EPG5: variants seen among roughly 807,000 people sequenced by gnomAD.
EPG5 encodes ectopic P granules protein 5 homolog.
EPG5 carries 159 observed loss-of-function variants against 302.7 expected under a neutral mutation model. The observed-to-expected ratio is 0.53, with a 90% CI of 0.46 to 0.60. EPG5 has a LOEUF of 0.60. EPG5 is among the 20% of genes least tolerant of loss of function. EPG5 has a pLI of 0.00. For synonymous variants in EPG5, 1,158 were observed against 1,136.8 expected (o/e 1.02, Z -0.37); for missense variants, 2,896 against 3,092.4 (o/e 0.94, Z 1.51).
At position 45,879,066 on chromosome 18, in the gene EPG5, A is replaced by G. The variant is rs1316329110; in HGVS notation, c.5816T>C (p.Ile1939Thr). Residue 1939 changes from isoleucine to threonine, a missense_variant, in exon 33 of 44, where the codon ATT becomes ACT. By Grantham distance (89) the Ile-to-Thr change is moderately conservative (BLOSUM62 -1). This residue lies in a region of EPG5 where 790 missense variants were observed against 798.0 expected (regional missense o/e 0.99). Coordinates refer to ENST00000282041, the MANE Select transcript of EPG5 (RefSeq NM_020964.3). ...GGCCAAACAGGTCATTTCTAAGTCA[A>G]TCAGCCTTTTCACAAGGTAGCCCAA... Reference protein sequence around the residue: ...TFLGYLVKRLIDLEMTCLAQD... With the variant: ...TFLGYLVKRLTDLEMTCLAQD... 2 of 1,614,086 alleles carry G rather than the reference A, an allele frequency of 1.2e-6. No individual in the cohort carries two copies. The highest frequency in any genetic ancestry group is 1.3e-5 in the African/African-American group (1 of 74,938).
At chr18:45,829,606 C>T in the EPG5 span, among the ~76,000 whole-genome samples, 2 of 152,114 alleles carry the variant, frequency 1.3e-5, no homozygotes, top group African/African-American at 2.4e-5. Flanking sequence ...TGTCACAATG[C>T]CGGAAGTGCC....
rs780659367 is a variant in EPG5 at position 45,873,887 on chromosome 18, G to A, written c.6049+2349C>T. On this transcript the variant is annotated intron_variant, in intron 35 of 43. Coordinates refer to ENST00000282041, the MANE Select transcript of EPG5 (RefSeq NM_020964.3). The stretch of plus-strand genomic sequence containing the variant: ...CTATCCAGCCATGAAAAGGCATAAA[G>A]AGACTTCAATGTCTATTACTAAGTG... Among the ~76,000 whole-genome samples the A allele has an allele frequency of 2.9e-4, 44 of 152,296 alleles. No individual in the cohort carries two copies. The South Asian group carries it at 3.3e-3, about 11-fold the overall frequency.
chr18:45,866,679 T>A, intron 38 of EPG5, 119 bp downstream of exon 38: 2 of 779,340 alleles, frequency 2.6e-6, no homozygotes, highest in Non-Finnish European at 4.4e-6. Context: ...TATATGATAA[T>A]ACACATCCTC....
chr18:45,858,192 G>C (rs2048557577), intron 41 of EPG5, 124 bp from the exon 42 acceptor site: 2 of 683,590 alleles, frequency 2.9e-6, no homozygotes, highest in Admixed American at 5.2e-5. Flanking sequence ...ACAGGCTAAC[G>C]GCTGATGTTA....
chr18:45,876,277 A>G lies in EPG5; in HGVS notation c.6008T>C (p.Leu2003Pro). ...DTVVASSIVQ[L>P]FTDCIDSLHE... ...CAGTGAGTCAATACAGTCAGTGAAC[A>G]GCTGCACAATGCTTGAGGCCACCAC... Residue 2003 changes from leucine (L) to proline (P), a missense_variant, in exon 35 of 44, where the codon CTG becomes CCG. Coordinates refer to ENST00000282041, the MANE Select transcript of EPG5 (RefSeq NM_020964.3). 1 of 1,614,126 alleles carries G rather than the reference A, an allele frequency of 6.2e-7. No individual in the cohort carries two copies. Among genetic ancestry groups the G allele is most frequent in the Non-Finnish European group, 8.5e-7 (1 of 1,179,962 alleles).
intron 28 of EPG5, among the ~76,000 whole-genome samples, chr18:45,888,897 A>G (rs2049275730): frequency 6.6e-6 from 1 of 152,236 alleles, no homozygotes; most frequent in Non-Finnish European, 1.5e-5. Context: ...TAATTTTTTT[A>G]AACACAAAAC....
chr18:45,924,282 G>C lies in EPG5; in HGVS notation c.2719-895C>G, dbSNP rs548500681. Reference sequence around the variant, plus strand: ...AGGAGACTCTCACGCAGCTCTTCAAGAGGAGAGCCTAGGTGATTCTGTTCA... The same window carrying C: ...AGGAGACTCTCACGCAGCTCTTCAACAGGAGAGCCTAGGTGATTCTGTTCA... On this transcript the variant is annotated intron_variant, in intron 14 of 43. Coordinates refer to ENST00000282041, the MANE Select transcript of EPG5 (RefSeq NM_020964.3). 1.1e-4 allele frequency among the ~76,000 whole-genome samples: 17 copies of C among 152,322 alleles called. 1 individual carries two copies. In the South Asian group the frequency reaches 3.1e-3, roughly 28 times the overall value.
At chr18:45,818,214 C>A in the EPG5 span, among the ~76,000 whole-genome samples, 2 of 152,064 alleles carry the variant, frequency 1.3e-5, no homozygotes, top group South Asian at 4.2e-4. Context: ...ATGTTGTTTA[C>A]AGTTGTCTAT....
intron 2 of EPG5, chr18:45,953,543 T>A: frequency 1.0e-6 from 1 of 985,334 alleles, no homozygotes; most frequent in African/African-American, 1.7e-5. Context: ...CTGCCAAACT[T>A]GTCAAGAGTA....
At chr18:45,887,666 G>C (rs1310617422) in intron 29 of EPG5, 85 bp downstream of exon 29, 9 of 1,190,608 alleles carry the variant, frequency 7.6e-6, no homozygotes, top group African/African-American at 3.1e-5. Flanking sequence ...ATATAAGTCT[G>C]AAGTCAATGC....
chr18:45,880,085 G>A lies in EPG5; in HGVS notation c.5657C>T (p.Ser1886Leu). ...VLPSSSDALL[S>L]DKQVMETIQW... Reference sequence around the variant, plus strand: ...CCAAAGGCTACACACCTGCTTGTCTGACAAGAGAGCATCAGAAGAGCTGGG... The same window carrying A: ...CCAAAGGCTACACACCTGCTTGTCTAACAAGAGAGCATCAGAAGAGCTGGG... The change falls in exon 32 of 44, where the codon TCA becomes TTA. Residue 1886 changes from serine to leucine, a missense_variant. Ser to Leu is a moderately radical substitution (Grantham distance 145). Around this residue, in one of 5 missense-constraint regions of EPG5, gnomAD observed 790 missense variants for 798.0 expected, o/e 0.99. Coordinates refer to ENST00000282041, the MANE Select transcript of EPG5 (RefSeq NM_020964.3). The A allele has an allele frequency of 4.4e-6, 7 of 1,595,560 alleles. No homozygotes were observed. The highest frequency in any genetic ancestry group is 6.0e-6 in the Non-Finnish European group (7 of 1,169,048).
chr18:45,907,616 G>A (rs1001639823), intron 24 of EPG5, among the ~76,000 whole-genome samples: 6 of 152,108 alleles, frequency 3.9e-5, no homozygotes, highest in Admixed American at 1.3e-4. Context: ...TACACTGCAT[G>A]TAAGAATGGG....
chr18:45,837,014 T>C, the EPG5 span: 31 of 1,274,074 alleles, frequency 2.4e-5, no homozygotes, highest in Non-Finnish European at 3.3e-5. Context: ...CGGGGTTAAC[T>C]GTGTTTATCT....
intron 1 of EPG5, among the ~76,000 whole-genome samples, chr18:45,955,875 A>C (rs1483651184): frequency 6.6e-6 from 1 of 152,236 alleles, no homozygotes; most frequent in Middle Eastern, 3.2e-3. Context: ...AGAAGCGACA[A>C]TTCTTCCATA....
intron 10 of EPG5, among the ~76,000 whole-genome samples, chr18:45,937,453 C>G (rs1236672630): frequency 6.6e-6 from 1 of 152,030 alleles, no homozygotes; most frequent in African/African-American, 2.4e-5. Flanking sequence ...GCTGCTGAGG[C>G]TGGAGTACAG....
At chr18:45,808,978 G>A in the EPG5 span, among the ~76,000 whole-genome samples, 1 of 152,102 alleles carries the variant, frequency 6.6e-6, no homozygotes, top group South Asian at 2.1e-4. Context: ...ACCACTATCT[G>A]CTGCCTTCAG....
rs1489466595 is a variant in EPG5, at chr18:45,927,778, T to C, written c.2553+1091A>G. ...TACATAGTTCCATTAATATGAAATG[T>C]CTGAAATAGGCAAAAATCTAGAGAC... On this transcript the variant is annotated intron_variant, in intron 13 of 43. Coordinates refer to ENST00000282041, the MANE Select transcript of EPG5 (RefSeq NM_020964.3). Among the ~76,000 whole-genome samples, 4 of 152,260 alleles carry C rather than the reference T, an allele frequency of 2.6e-5. No individual in the cohort carries two copies. In the East Asian group the frequency reaches 7.7e-4, roughly 29 times the overall value.
At position 45,935,848 on chromosome 18, in the gene EPG5, C is replaced by T. The variant is rs533626567; in HGVS notation, c.2100-882G>A. On this transcript the variant is annotated intron_variant, in intron 10 of 43. Transcript: ENST00000282041. ...TTCCAACCACAGCCCTCTCTGTCCT[C>T]CTTCAGTTACCACTGCATTCCAGCA... is the stretch of plus-strand genomic sequence containing the variant. 3.5e-4 allele frequency among the ~76,000 whole-genome samples: 53 copies of T among 152,332 alleles called. No homozygotes were observed. In the South Asian group the frequency reaches 8.5e-3, roughly 24 times the overall value.
chr18:45,880,307 T>C, intron 31 of EPG5, 84 bp from the exon 32 acceptor site: 1 of 1,278,402 alleles, frequency 7.8e-7, no homozygotes, highest in Non-Finnish European at 1.0e-6. Context: ...GAGCACCTTA[T>C]AAAGGAATAA....
Sources: gnomAD v4.1 joint callset for allele counts (sites outside exome capture counted in the v4.1 genomes callset) on GRCh38, gnomAD v4.1.1 for gene constraint, gnomAD v4.1.1 regional missense constraint, MANE v1.5 for transcripts, NCBI Gene and HGNC (gene_info 2026-07-23, HGNC 2026-07-21) for gene names.